The following STX8 variants were observed in gnomAD, a reference collection of about 807,000 sequenced individuals.
STX8 encodes syntaxin-8.
STX8 carries 23 observed loss-of-function variants against 37.5 expected under a neutral mutation model. The ratio of observed to expected loss-of-function variants is 0.61; its 90% CI spans 0.44 to 0.87. The LOEUF is 0.87. STX8 is among the 40% of genes least tolerant of loss of function. The probability of loss-of-function intolerance (pLI) is 0.00; values close to 1 mark genes in which losing one functional copy is unlikely to be tolerated. For synonymous variants in STX8, 115 were observed against 99.1 expected, an observed-to-expected ratio of 1.16 and a Z score of -0.95; for missense variants, 313 against 284.7, an observed-to-expected ratio of 1.10 and a Z score of -0.71.
chr17:9,517,352 AT>A (rs1332386641), intron 4 of STX8, among the ~76,000 whole-genome samples: 3 of 152,160 alleles, frequency 2.0e-5, no homozygotes, highest in Admixed American at 2.0e-4. Flanking sequence ...GGAATTAATT[AT>A]TTTTTCAGCA....
intron 7 of STX8, among the ~76,000 whole-genome samples, chr17:9,308,711 G>A (rs1909088101): frequency 9.3e-6 from 1 of 107,408 alleles, no homozygotes; most frequent in Non-Finnish European, 1.8e-5. Context: ...GGACAACAGT[G>A]AAACTCCGTC....
At chr17:9,561,101 T>C (rs201116196) in intron 2 of STX8, among the ~76,000 whole-genome samples, 2 of 151,306 alleles carry the variant, frequency 1.3e-5, no homozygotes, top group Admixed American at 1.3e-4. Context: ...CAAAACAAAA[T>C]AACAGAAAAA....
chr17:9,433,295 T>A (rs548953921), intron 6 of STX8, among the ~76,000 whole-genome samples: 2 of 152,326 alleles, frequency 1.3e-5, no homozygotes, highest in African/African-American at 4.8e-5. Context: ...ATAACCCAAG[T>A]CTTTAGTTTC....
chr17:9,363,616 G>A (rs117873590), intron 7 of STX8, among the ~76,000 whole-genome samples: 111 of 152,192 alleles, frequency 7.3e-4, no homozygotes, highest in Admixed American at 1.7e-3. Context: ...CAGAAAACGC[G>A]TACAAACATG....
chr17:9,362,840 A>AAAAAAAT (rs1555601151), intron 7 of STX8, among the ~76,000 whole-genome samples: 2 of 115,444 alleles, frequency 1.7e-5, no homozygotes, highest in African/African-American at 6.0e-5. Context: ...AAAAAAAAAA[A>AAAAAAAT]AAATAAATAA....
chr17:9,288,254 AAAC>A, intron 7 of STX8, among the ~76,000 whole-genome samples: 1 of 152,204 alleles, frequency 6.6e-6, no homozygotes, highest in East Asian at 1.9e-4. Context: ...AATGTGAAAG[AAAC>A]AATAATTACA....
At chr17:9,559,760 A>ATATTTTTTTTTT in intron 2 of STX8, among the ~76,000 whole-genome samples, 22 of 24,498 alleles carry the variant, frequency 9.0e-4, no homozygotes, top group South Asian at 2.9e-3. Flanking sequence ...ATATATATAT[A>ATATTTTTTTTTT]TTTTTTTTTT....
intron 7 of STX8, among the ~76,000 whole-genome samples, chr17:9,377,146 G>A (rs1356942522): frequency 6.6e-6 from 1 of 152,138 alleles, no homozygotes; most frequent in African/African-American, 2.4e-5. Context: ...CAGGGAAGGT[G>A]ATGCTTCTGA....
chr17:9,454,698 A>C (rs1221866183), intron 6 of STX8, among the ~76,000 whole-genome samples: 1 of 150,758 alleles, frequency 6.6e-6, no homozygotes, highest in East Asian at 2.0e-4. Context: ...AAACAAAAAA[A>C]CTTATGAATT....
intron 6 of STX8, among the ~76,000 whole-genome samples, chr17:9,389,274 A>G (rs900497772): frequency 3.9e-5 from 6 of 152,244 alleles, no homozygotes; most frequent in Non-Finnish European, 8.8e-5. Flanking sequence ...AATTTCCCTA[A>G]CCACAGTCTA....
intron 6 of STX8, among the ~76,000 whole-genome samples, chr17:9,441,283 A>G (rs905348988): frequency 2.6e-5 from 4 of 151,878 alleles, no homozygotes; most frequent in Admixed American, 2.6e-4. Flanking sequence ...CGAGGTTGGG[A>G]GATCAAAACC....
At chr17:9,288,656 C>T (rs939397777) in intron 7 of STX8, among the ~76,000 whole-genome samples, 25 of 150,062 alleles carry the variant, frequency 1.7e-4, no homozygotes, top group African/African-American at 5.7e-4. Context: ...AGTGAGACTC[C>T]GTCTCGAAAT....
intron 6 of STX8, among the ~76,000 whole-genome samples, chr17:9,472,145 G>C (rs1905897038): frequency 6.7e-6 from 1 of 150,306 alleles, no homozygotes; most frequent in Non-Finnish European, 1.5e-5. Flanking sequence ...GCTCCACTAA[G>C]AGGAGCCAGA....
chr17:9,558,049 G>A (rs1907050141), intron 2 of STX8, among the ~76,000 whole-genome samples: 1 of 152,136 alleles, frequency 6.6e-6, no homozygotes, highest in Non-Finnish European at 1.5e-5. Flanking sequence ...TTCTTTTTAT[G>A]CAAGAGGAAT....
intron 7 of STX8, among the ~76,000 whole-genome samples, chr17:9,365,401 G>T (rs945776094): frequency 6.6e-6 from 1 of 152,242 alleles, no homozygotes; most frequent in African/African-American, 2.4e-5. Flanking sequence ...TTGAAGAGAT[G>T]AAGGAAGTTT....
At chr17:9,329,690 G>T (rs1197951785) in intron 7 of STX8, among the ~76,000 whole-genome samples, 1 of 152,254 alleles carries the variant, frequency 6.6e-6, no homozygotes, top group Non-Finnish European at 1.5e-5. Flanking sequence ...CGTTGCAGCT[G>T]GAGCTGCCTG....
At chr17:9,367,434 C>T (rs959646915) in intron 7 of STX8, among the ~76,000 whole-genome samples, 3 of 152,144 alleles carry the variant, frequency 2.0e-5, no homozygotes, top group Non-Finnish European at 4.4e-5. Context: ...GCAGCTGTCA[C>T]TTATCTGGGC....
intron 6 of STX8, among the ~76,000 whole-genome samples, chr17:9,381,635 A>G (rs1213225272): frequency 3.3e-5 from 5 of 152,210 alleles, no homozygotes; most frequent in African/African-American, 1.2e-4. Context: ...TCCCACCCCT[A>G]GGAGAATGCC....
Position 9,558,873 on chromosome 17 carries a change from C to A in STX8, c.118-1345G>T, listed in dbSNP as rs187933521. On this transcript the variant is annotated intron_variant, in intron 2 of 7. Transcript: ENST00000306357. ...AAAACAAGCAAACAAAAAGGCGCCA[C>A]ACACACCAGGCCTACGAAGAGGAGT... Among the ~76,000 whole-genome samples, 28 of 151,340 alleles carry A rather than the reference C, an allele frequency of 1.9e-4. No individual in the cohort carries two copies. The East Asian group carries it at 5.4e-3, about 29-fold the overall frequency.
Sources: allele counts gnomAD v4.1 joint callset (sites outside exome capture counted in the v4.1 genomes callset), GRCh38; gene constraint gnomAD v4.1.1; transcripts MANE v1.5; gene names NCBI Gene and HGNC (gene_info 2026-07-23, HGNC 2026-07-21).